Variants in VWC2L observed in about 807,000 individuals in gnomAD.
VWC2L encodes von Willebrand factor C domain containing 2 like.
A neutral mutation model predicts 21.6 loss-of-function variants in VWC2L; 10 were observed. That is an observed-to-expected ratio of 0.46 (90% CI 0.29 to 0.78). The LOEUF (loss-of-function observed/expected upper bound fraction) is 0.78. Ranked by LOEUF, VWC2L falls within the 30% of genes least tolerant of loss-of-function variation. VWC2L has a pLI of 0.10. For synonymous variants in VWC2L, 96 were observed against 94.3 expected, an observed-to-expected ratio of 1.02 and a Z score of -0.10; for missense variants, 209 against 277.1, an observed-to-expected ratio of 0.75 and a Z score of 1.74.
At chr2:214,414,687 T>A (rs1702329031) in intron 2 of VWC2L, 104 bp downstream of exon 2, 2 of 1,276,202 alleles carry the variant, frequency 1.6e-6, no homozygotes, top group East Asian at 5.0e-5. Context: ...CTTTAAAATT[T>A]CCCTTTAAAT....
intron 2 of VWC2L, among the ~76,000 whole-genome samples, chr2:214,417,051 C>G (rs1702367830): frequency 6.6e-6 from 1 of 152,112 alleles, no homozygotes; most frequent in African/African-American, 2.4e-5. Context: ...ATGAACCATA[C>G]AACTCTAAGT....
chr2:214,468,885 C>G (rs755173586), intron 3 of VWC2L, among the ~76,000 whole-genome samples: 1 of 152,136 alleles, frequency 6.6e-6, no homozygotes, highest in Non-Finnish European at 1.5e-5. Flanking sequence ...ATGGAATACA[C>G]AAACTTTGTA....
At chr2:214,421,954 C>T (rs182522330) in intron 2 of VWC2L, among the ~76,000 whole-genome samples, 3,107 of 114,638 alleles carry the variant, frequency 0.027, 62 homozygotes, top group Middle Eastern at 0.073. Context: ...TGCAGTGGCG[C>T]GATCTCGACT....
chr2:214,512,708 CAAACCTAAGAGCTGTCA>C (rs1314372301), intron 3 of VWC2L, among the ~76,000 whole-genome samples: 3 of 151,120 alleles, frequency 2.0e-5, no homozygotes, highest in Non-Finnish European at 2.9e-5. Flanking sequence ...CCAAGAATTT[CAAACCTAAGAGCTGTCA>C]AAAGTAACAG....
At chr2:214,437,166 T>A (rs1416499274) in intron 3 of VWC2L, among the ~76,000 whole-genome samples, 1 of 152,156 alleles carries the variant, frequency 6.6e-6, no homozygotes, top group Non-Finnish European at 1.5e-5. Context: ...GTTTTGAATG[T>A]AGATAAGACC....
At chr2:214,527,435 A>G (rs1415197295) in intron 3 of VWC2L, among the ~76,000 whole-genome samples, 1 of 152,152 alleles carries the variant, frequency 6.6e-6, no homozygotes, top group Non-Finnish European at 1.5e-5. Flanking sequence ...ACCATCTCCA[A>G]TTACTTTCCA....
intron 3 of VWC2L, among the ~76,000 whole-genome samples, chr2:214,471,361 G>T (rs1360089539): frequency 6.6e-6 from 1 of 152,280 alleles, no homozygotes; most frequent in Non-Finnish European, 1.5e-5. Flanking sequence ...TCAATCAATG[G>T]ACCAAGGCAG....
chr2:214,474,712 A>G (rs1688479237), intron 3 of VWC2L, among the ~76,000 whole-genome samples: 1 of 152,134 alleles, frequency 6.6e-6, no homozygotes, highest in Non-Finnish European at 1.5e-5. Flanking sequence ...TTTTCCCAGC[A>G]ACTTAGACTC....
At chr2:214,478,495 C>T (rs1358936662) in intron 3 of VWC2L, among the ~76,000 whole-genome samples, 3 of 151,436 alleles carry the variant, frequency 2.0e-5, no homozygotes, top group South Asian at 2.1e-4. Context: ...CAAAAAACAA[C>T]GACAACAAAA....
chr2:214,544,586 T>A (rs1574628485), intron 3 of VWC2L, among the ~76,000 whole-genome samples: 1 of 152,150 alleles, frequency 6.6e-6, no homozygotes, highest in African/African-American at 2.4e-5. Context: ...ATGGAGAGTC[T>A]CCAGCCAAAA....
chr2:214,426,268 A>G (rs1702523642), intron 2 of VWC2L, among the ~76,000 whole-genome samples: 1 of 152,028 alleles, frequency 6.6e-6, no homozygotes, highest in African/African-American at 2.4e-5. Flanking sequence ...AGCAGTTTAG[A>G]CAAAATTGGA....
chr2:214,451,308 T>TCG (rs71399133), intron 3 of VWC2L, among the ~76,000 whole-genome samples: 115 of 112,106 alleles, frequency 1.0e-3, no homozygotes, highest in Admixed American at 1.3e-3. Flanking sequence ...TGGGTCGGTG[T>TCG]GGGGGGGGGG....
chr2:214,414,827 A>G (rs1478277813), intron 2 of VWC2L: 4 of 481,096 alleles, frequency 8.3e-6, no homozygotes, highest in African/African-American at 2.0e-5. Context: ...GGGCATACCT[A>G]ACACCTTTTA....
intron 3 of VWC2L, among the ~76,000 whole-genome samples, chr2:214,505,088 G>A (rs1688949261): frequency 1.3e-5 from 2 of 152,158 alleles, no homozygotes; most frequent in South Asian, 2.1e-4. Flanking sequence ...TTTTCTCAAG[G>A]ACAGTGTTGA....
At chr2:214,476,364 A>G (rs578014808) in intron 3 of VWC2L, among the ~76,000 whole-genome samples, 65 of 152,344 alleles carry the variant, frequency 4.3e-4, no homozygotes, top group African/African-American at 1.6e-3. Context: ...ACATATTGAC[A>G]TACTGGTCAA....
At chr2:214,414,869 T>C in intron 2 of VWC2L, 1 of 381,942 alleles carries the variant, frequency 2.6e-6, no homozygotes. Context: ...TCTCTGTTAT[T>C]ACAAAATATG....
chr2:214,554,749 G>A (rs1689849467), intron 3 of VWC2L, among the ~76,000 whole-genome samples: 1 of 152,104 alleles, frequency 6.6e-6, no homozygotes, highest in Admixed American at 6.5e-5. Flanking sequence ...TCTTAAGACT[G>A]ACAAAACAGA....
At chr2:214,426,039 G>A (rs1278236200) in intron 2 of VWC2L, among the ~76,000 whole-genome samples, 1 of 151,934 alleles carries the variant, frequency 6.6e-6, no homozygotes, top group Non-Finnish European at 1.5e-5. Context: ...TGGCATGATG[G>A]TGGGTGCCCA....
At chr2:214,556,276 T>G (rs1689871641) in intron 3 of VWC2L, among the ~76,000 whole-genome samples, 1 of 151,860 alleles carries the variant, frequency 6.6e-6, no homozygotes, top group African/African-American at 2.4e-5. Context: ...TAAATAAAAT[T>G]TAGTTTTGGA....
Sources: gnomAD v4.1 joint callset for allele counts (sites outside exome capture counted in the v4.1 genomes callset) on GRCh38, gnomAD v4.1.1 for gene constraint, MANE v1.5 for transcripts, NCBI Gene and HGNC (gene_info 2026-07-23, HGNC 2026-07-21) for gene names.